CA4: variants seen among roughly 807,000 people sequenced by gnomAD.
The protein encoded by CA4 is carbonic anhydrase 4, also known as CA-IV.
Under a neutral mutation model 34.5 loss-of-function variants are expected in CA4, and 24 were observed. The observed-to-expected ratio is 0.70, with a 90% CI of 0.50 to 0.98. CA4 has a LOEUF of 0.98. Among genes scored for constraint, CA4 ranks in the 50% least tolerant of loss-of-function variants. The probability of loss-of-function intolerance (pLI) is 0.00; values close to 1 mark genes in which losing one functional copy is unlikely to be tolerated. For missense variants in CA4, 394 were observed against 396.7 expected (o/e 0.99, Z 0.06); for synonymous variants, 178 against 170.6 (o/e 1.04, Z -0.34).
chr17:60,153,888 G>A (rs1005983633), intron 1 of CA4, among the ~76,000 whole-genome samples: 2 of 152,220 alleles, frequency 1.3e-5, no homozygotes, highest in African/African-American at 2.4e-5. Flanking sequence ...TGAAAAAGGC[G>A]ATGCCAGCAG....
At chr17:60,174,716 A>C (rs2083941590), downstream of CA4, among the ~76,000 whole-genome samples, 1 of 152,150 alleles carries the variant, frequency 6.6e-6, no homozygotes. Flanking sequence ...TTTCAATACT[A>C]AGGAAGCCGT....
Position 60,159,311 on chromosome 17 carries a change from C to T in CA4, c.826C>T (p.Leu276=). Residue 276 remains leucine, a synonymous_variant, in exon 8 of 8, where the codon CTG becomes TTG. Coordinates refer to ENST00000300900, the MANE Select transcript of CA4 (RefSeq NM_000717.5). ...MKDNVRPLQQ[L]GQRTVIKSGA... ...GGACAATGTCAGGCCCCTGCAGCAG[C>T]TGGGGCAGCGCACGGTGATAAAGTC... The T allele has an allele frequency of 6.2e-7, 1 of 1,610,154 alleles. No individual in the cohort carries two copies.
At chr17:60,161,378 G>A (rs954130290), downstream of CA4, among the ~76,000 whole-genome samples, 6 of 152,122 alleles carry the variant, frequency 3.9e-5, no homozygotes, top group African/African-American at 7.2e-5. Context: ...TTTGGAATTC[G>A]TGAGCCTTGG....
chr17:60,160,842 T>C (rs562837734), downstream of CA4, among the ~76,000 whole-genome samples: 908 of 131,730 alleles, frequency 6.9e-3, 13 homozygotes, highest in African/African-American at 0.024. Flanking sequence ...TGGAGGCCTC[T>C]GGAGACTGCA....
downstream of CA4, among the ~76,000 whole-genome samples, chr17:60,160,802 G>C (rs1176458104): frequency 6.6e-6 from 1 of 151,842 alleles, no homozygotes; most frequent in Admixed American, 6.6e-5. Context: ...GAAGCCCTGG[G>C]GGAAGGGGCG....
intron 1 of CA4, among the ~76,000 whole-genome samples, chr17:60,153,999 C>T (rs2083636100): frequency 6.6e-6 from 1 of 152,138 alleles, no homozygotes; most frequent in African/African-American, 2.4e-5. Context: ...GGCTCCTTCC[C>T]CATCCTGTCC....
At position 60,158,096 on chromosome 17, in the gene CA4, G is replaced by A. The variant is rs750795299; in HGVS notation, c.549G>A (p.Leu183=). Residue 183 remains leucine (L), a synonymous_variant, in exon 6 of 8, where the codon CTG becomes CTA. Coordinates refer to ENST00000300900, the MANE Select transcript of CA4 (RefSeq NM_000717.5). Reference sequence around the variant, plus strand: ...AGGTGAACGAGGGCTTCCAGCCACTGGTGGAGGCACTGTCTAATATCCCCA... The same window carrying A: ...AGGTGAACGAGGGCTTCCAGCCACTAGTGGAGGCACTGTCTAATATCCCCA... ...GTQVNEGFQP[L]VEALSNIPKP... The A allele has an allele frequency of 6.2e-6, 10 of 1,613,998 alleles. No individual in the cohort carries two copies. The South Asian group carries it at 1.1e-4, about 18-fold the overall frequency.
intron 1 of CA4, 72 bp downstream of exon 1, chr17:60,150,164 G>C: frequency 7.7e-7 from 1 of 1,298,854 alleles, no homozygotes; most frequent in South Asian, 1.2e-5. Context: ...CGCCCCTGCA[G>C]AGGATCCCCC....
intron 5 of CA4, among the ~76,000 whole-genome samples, chr17:60,169,861 T>C (rs914065797): frequency 6.6e-6 from 1 of 152,236 alleles, no homozygotes; most frequent in African/African-American, 2.4e-5. Context: ...TTTCCCCAGT[T>C]CAAATTAGGC....
intron 1 of CA4, among the ~76,000 whole-genome samples, chr17:60,152,650 C>T (rs1018484662): frequency 3.3e-5 from 5 of 152,208 alleles, no homozygotes; most frequent in Non-Finnish European, 7.3e-5. Flanking sequence ...TGGCTGCCCC[C>T]GGGCCCTCCA....
intron 1 of CA4, among the ~76,000 whole-genome samples, chr17:60,154,095 G>A (rs1047394660): frequency 1.3e-5 from 2 of 152,134 alleles, no homozygotes; most frequent in South Asian, 2.1e-4. Flanking sequence ...GGGTGGATGA[G>A]CTCAGAGACC....
rs143267717 is a variant in CA4, at chr17:60,155,438, C to T, written c.112+71C>T. ...ACCACGCAAGCCGAAATGGAGACCCCGGAAGAGTGGGAAGGGGAGGGGTGA... is the reference window on the plus strand; with the variant it reads ...ACCACGCAAGCCGAAATGGAGACCCTGGAAGAGTGGGAAGGGGAGGGGTGA... On this transcript the variant is annotated intron_variant, in intron 2 of 7. Coordinates refer to ENST00000300900, the MANE Select transcript of CA4 (RefSeq NM_000717.5). The T allele has an allele frequency of 5.6e-5, 72 of 1,284,760 alleles. No individual in the cohort carries two copies. In the East Asian group the frequency reaches 1.5e-3, roughly 26 times the overall value. The allele number at this position is 1,284,760 out of a possible 1,614,324, so 79.6% of individuals were successfully genotyped here. A position where few individuals can be genotyped will look rare whatever the true frequency, so the allele number is the denominator to read the frequency against.
the CA4 span, among the ~76,000 whole-genome samples, chr17:60,176,439 G>A: frequency 2.0e-5 from 3 of 151,550 alleles, no homozygotes; most frequent in African/African-American, 4.9e-5. Flanking sequence ...CTGTCTCCTT[G>A]GATCTCCCAG....
chr17:60,169,652 C>A (rs1408340627), intron 5 of CA4, among the ~76,000 whole-genome samples: 2 of 152,102 alleles, frequency 1.3e-5, no homozygotes, highest in Non-Finnish European at 2.9e-5. Flanking sequence ...CCATGCTCAG[C>A]TGATTTTTTT....
intron 5 of CA4, among the ~76,000 whole-genome samples, chr17:60,165,979 A>C (rs981297573): frequency 2.6e-5 from 4 of 152,130 alleles, no homozygotes; most frequent in African/African-American, 9.7e-5. Context: ...TCCCACTTAT[A>C]AGAGGAAGAC....
downstream of CA4, among the ~76,000 whole-genome samples, chr17:60,172,614 C>A (rs1466279278): frequency 2.0e-5 from 3 of 151,218 alleles, no homozygotes; most frequent in African/African-American, 4.9e-5. Flanking sequence ...GAGGCTGAGG[C>A]GGGTGGATCA....
intron 5 of CA4, among the ~76,000 whole-genome samples, chr17:60,167,295 A>G (rs1040924518): frequency 1.3e-5 from 2 of 152,176 alleles, no homozygotes; most frequent in African/African-American, 4.8e-5. Context: ...TGCTGACCCT[A>G]GCCCTGGAGC....
intron 1 of CA4, 139 bp downstream of exon 1, chr17:60,150,231 G>A (rs1004931596): frequency 2.6e-5 from 18 of 680,702 alleles, no homozygotes; most frequent in African/African-American, 2.5e-4. Context: ...TGTGCGCCGG[G>A]GGCCGCGAGG....
At chr17:60,151,390 G>A (rs2083589486) in intron 1 of CA4, 1 of 152,272 alleles carries the variant, frequency 6.6e-6, no homozygotes, top group South Asian at 2.1e-4. Context: ...TCTCCACCGG[G>A]CCCCTGGGAG....
Sources: allele counts gnomAD v4.1 joint callset (sites outside exome capture counted in the v4.1 genomes callset), GRCh38; gene constraint gnomAD v4.1.1; transcripts MANE v1.5; gene names NCBI Gene and HGNC (gene_info 2026-07-23, HGNC 2026-07-21).